Variants in PCSK5 observed in about 807,000 individuals in gnomAD.
The protein encoded by PCSK5 is proprotein convertase subtilisin/kexin type 5.
In PCSK5, 129 loss-of-function variants were observed where a neutral mutation model predicts 233.2. The ratio of observed to expected loss-of-function variants is 0.55; its 90% CI spans 0.48 to 0.64. The LOEUF is 0.64. Among genes scored for constraint, PCSK5 ranks in the 30% least tolerant of loss-of-function variants. The probability of loss-of-function intolerance (pLI) is 0.00; values close to 1 mark genes in which losing one functional copy is unlikely to be tolerated. For missense variants in PCSK5, 2,076 were observed against 2,430.1 expected (o/e 0.85, Z 3.06); for synonymous variants, 825 against 879.2 (o/e 0.94, Z 1.09).
Position 76,003,245 on chromosome 9 carries a change from A to T in PCSK5, c.411+17000A>T, listed in dbSNP as rs539336113. ...TCTTGATGAAAAGCCCTCACCTGAC[A>T]GCTTTCAAGAAGAGACAGCTGGCAG... On this transcript the variant is annotated intron_variant, in intron 3 of 37. Coordinates refer to ENST00000674117, the MANE Select transcript of PCSK5 (RefSeq NM_001372043.1). Among the ~76,000 whole-genome samples the T allele has an allele frequency of 2.6e-5, 4 of 152,332 alleles. No individual in the cohort carries two copies. The South Asian group carries it at 8.3e-4, about 32-fold the overall frequency.
rs1230423597 is a variant in PCSK5 at position 76,107,143 on chromosome 9, C to A, written c.1108-108C>A. On this transcript the variant is annotated intron_variant, in intron 8 of 37. Transcript: ENST00000674117. ...GCGTGTAGGAACAAGGAATTTAAAA[C>A]AAGTATTTAACATATACCCCCATTC... 1.0e-5 allele frequency: 6 copies of A among 598,392 alleles called. No homozygotes were observed. In the Admixed American group the frequency reaches 1.8e-4, roughly 18 times the overall value. 37.1% of individuals were successfully genotyped at this position (598,392 alleles called of 1,614,324 possible). A position where few individuals can be genotyped will look rare whatever the true frequency, so the allele number is the denominator to read the frequency against.
chr9:75,996,482 A>G (rs1827025907), intron 3 of PCSK5, among the ~76,000 whole-genome samples: 1 of 152,178 alleles, frequency 6.6e-6, no homozygotes. Context: ...TAATTAAGTT[A>G]TGATAATTAT....
At chr9:76,201,030 T>C (rs948810758) in intron 20 of PCSK5, among the ~76,000 whole-genome samples, 12 of 152,202 alleles carry the variant, frequency 7.9e-5, no homozygotes, top group Admixed American at 5.9e-4. Context: ...GATGGCTGTA[T>C]TGAGCCAGTT....
At chr9:76,311,517 T>C (rs1828865006) in intron 30 of PCSK5, among the ~76,000 whole-genome samples, 1 of 152,184 alleles carries the variant, frequency 6.6e-6, no homozygotes, top group African/African-American at 2.4e-5. Context: ...TAGTTATTTA[T>C]TGATTCCTCC....
chr9:76,301,570 C>T (rs752535090), intron 27 of PCSK5, among the ~76,000 whole-genome samples: 7 of 152,174 alleles, frequency 4.6e-5, no homozygotes, highest in Non-Finnish European at 1.0e-4. Context: ...CAGCTGGGCA[C>T]GGTGGCTCAT....
Position 76,170,724 on chromosome 9 carries a change from T to C in PCSK5, c.1756+884T>C, listed in dbSNP as rs543508273. Among the ~76,000 whole-genome samples the C allele has an allele frequency of 4.6e-5, 7 of 152,334 alleles. No individual in the cohort carries two copies. In the East Asian group the frequency reaches 1.2e-3, roughly 25 times the overall value. ...CATCCAGTTCTAGCCCTCTCCAGAT[T>C]ACAGAATAAAGTAACCTAGACATTC... On this transcript the variant is annotated intron_variant, in intron 13 of 37. Coordinates refer to ENST00000674117, the MANE Select transcript of PCSK5 (RefSeq NM_001372043.1).
At chr9:76,151,235 G>A (rs1175512244) in intron 10 of PCSK5, among the ~76,000 whole-genome samples, 1 of 152,174 alleles carries the variant, frequency 6.6e-6, no homozygotes, top group Non-Finnish European at 1.5e-5. Context: ...TGCTAGGACT[G>A]CAACAGCTGC....
At chr9:76,168,569 A>G (rs1823188214) in intron 12 of PCSK5, among the ~76,000 whole-genome samples, 1 of 152,196 alleles carries the variant, frequency 6.6e-6, no homozygotes, top group African/African-American at 2.4e-5. Context: ...AAACAGAATA[A>G]TTCTAGCTAT....
At chr9:76,228,142 G>A (rs1256853802) in intron 21 of PCSK5, among the ~76,000 whole-genome samples, 4 of 151,840 alleles carry the variant, frequency 2.6e-5, no homozygotes, top group Admixed American at 2.6e-4. Flanking sequence ...GCTAACTTTT[G>A]TGTCATTTAG....
intron 9 of PCSK5, among the ~76,000 whole-genome samples, chr9:76,114,580 C>T (rs1484448425): frequency 1.3e-5 from 2 of 152,260 alleles, no homozygotes; most frequent in South Asian, 2.1e-4. Context: ...GTTCCAACTC[C>T]TTCCCTATGT....
chr9:76,128,975 A>T (rs570459299), intron 9 of PCSK5, among the ~76,000 whole-genome samples: 2 of 152,352 alleles, frequency 1.3e-5, no homozygotes, highest in East Asian at 3.9e-4. Flanking sequence ...TGGGACTGAC[A>T]ATCTGATGAT....
intron 20 of PCSK5, chr9:76,193,194 C>G (rs1824498204): frequency 1.3e-6 from 2 of 1,589,612 alleles, no homozygotes; most frequent in Non-Finnish European, 1.7e-6. Flanking sequence ...TCATGCTGCT[C>G]TCGTCTTCAA....
chr9:75,990,188 G>A (rs1456462672), intron 3 of PCSK5, among the ~76,000 whole-genome samples: 1 of 152,126 alleles, frequency 6.6e-6, no homozygotes, highest in Non-Finnish European at 1.5e-5. Flanking sequence ...CTTTTCCTGA[G>A]CCCTGAGCTG....
At chr9:75,966,924 A>C (rs1825611317) in intron 2 of PCSK5, among the ~76,000 whole-genome samples, 1 of 152,212 alleles carries the variant, frequency 6.6e-6, no homozygotes, top group Admixed American at 6.5e-5. Context: ...TATCTTTAAC[A>C]TAAAGGAGAA....
intron 10 of PCSK5, among the ~76,000 whole-genome samples, chr9:76,154,183 T>C (rs12553135): frequency 6.6e-6 from 1 of 151,910 alleles, no homozygotes; most frequent in Non-Finnish European, 1.5e-5. Flanking sequence ...TAGTATGAAG[T>C]TTTTTTCGGT....
intron 24 of PCSK5, among the ~76,000 whole-genome samples, chr9:76,259,630 G>A (rs1827101440): frequency 1.3e-5 from 2 of 152,100 alleles, no homozygotes; most frequent in South Asian, 2.1e-4. Flanking sequence ...AGACTTGATC[G>A]ATTCTATTTA....
intron 1 of PCSK5, among the ~76,000 whole-genome samples, chr9:75,908,784 T>C (rs79720540): frequency 0.064 from 9,664 of 152,144 alleles, 313 homozygotes; most frequent in Middle Eastern, 0.12. Flanking sequence ...TGCTTCTTTT[T>C]ATTGGCACTT....
intron 1 of PCSK5, among the ~76,000 whole-genome samples, chr9:75,896,356 A>T (rs1011518083): frequency 4.6e-5 from 7 of 152,198 alleles, no homozygotes; most frequent in Non-Finnish European, 4.4e-5. Context: ...ACTTTGCCTT[A>T]TCACTGTCTT....
intron 2 of PCSK5, among the ~76,000 whole-genome samples, chr9:75,932,974 C>T (rs1180520246): frequency 6.6e-6 from 1 of 152,114 alleles, no homozygotes; most frequent in Non-Finnish European, 1.5e-5. Flanking sequence ...GTGTCTGGAA[C>T]AGGTGGGATA....
Sources: gnomAD v4.1 joint callset for allele counts (sites outside exome capture counted in the v4.1 genomes callset) on GRCh38, gnomAD v4.1.1 for gene constraint, MANE v1.5 for transcripts, NCBI Gene and HGNC (gene_info 2026-07-23, HGNC 2026-07-21) for gene names.